Variants in DNAJC8 observed in about 807,000 individuals in gnomAD.
The protein encoded by DNAJC8 is DnaJ heat shock protein family (Hsp40) member C8, also known as dnaJ homolog subfamily C member 8.
Under a neutral mutation model 43.2 loss-of-function variants are expected in DNAJC8, and 24 were observed. The observed-to-expected ratio is 0.56, with a 90% CI of 0.40 to 0.78. The LOEUF (loss-of-function observed/expected upper bound fraction) is 0.78. Ranked by LOEUF, DNAJC8 falls within the 30% of genes least tolerant of loss-of-function variation. DNAJC8 has a pLI of 0.00. For synonymous variants in DNAJC8, 83 were observed against 98.0 expected (o/e 0.85, Z 0.90); for missense variants, 207 against 299.4 (o/e 0.69, Z 2.28).
At chr1:28,223,295 G>A (rs1291087976) in intron 2 of DNAJC8, among the ~76,000 whole-genome samples, 1 of 152,188 alleles carries the variant, frequency 6.6e-6, no homozygotes, top group East Asian at 1.9e-4. Context: ...TAGGGAAGAT[G>A]CCTACTCAGC....
chr1:28,208,514 T>C (rs1263390752), intron 5 of DNAJC8, 101 bp from the exon 6 acceptor site: 4 of 614,542 alleles, frequency 6.5e-6, no homozygotes, highest in Admixed American at 4.0e-5. Flanking sequence ...TAGGCACGGG[T>C]ATAGCAAAAA....
At chr1:28,207,822 G>A (rs1646780443) in intron 6 of DNAJC8, among the ~76,000 whole-genome samples, 2 of 151,768 alleles carry the variant, frequency 1.3e-5, no homozygotes, top group African/African-American at 4.8e-5. Flanking sequence ...TTGGGAGGCC[G>A]AGGCGGGTGG....
chr1:28,232,867 A>T, intron 1 of DNAJC8, 54 bp downstream of exon 1: 1 of 1,590,596 alleles, frequency 6.3e-7, no homozygotes, highest in Non-Finnish European at 8.6e-7. Flanking sequence ...TCCACTGGGA[A>T]AGCAGATCCG....
Position 28,228,402 on chromosome 1 carries a change from T to C in DNAJC8, c.180+520A>G, listed in dbSNP as rs188802708. ...AAACTTATTAGAGCTAGCCACCCCT[T>C]CACATCTGAAATTAAATCCTTATAT... is the stretch of plus-strand genomic sequence containing the variant. On this transcript the variant is annotated intron_variant, in intron 2 of 8. Transcript: ENST00000263697. 1.8e-3 allele frequency among the ~76,000 whole-genome samples: 273 copies of C among 151,398 alleles called. 2 individuals are homozygous for C. The highest frequency in any genetic ancestry group is 6.2e-3 in the African/African-American group (254 of 41,246).
chr1:28,219,737 G>A (rs1314081669), intron 2 of DNAJC8, among the ~76,000 whole-genome samples: 1 of 141,616 alleles, frequency 7.1e-6, no homozygotes, highest in Non-Finnish European at 1.5e-5. Flanking sequence ...AAGTGCAGTG[G>A]AGCAATCTCA....
At chr1:28,223,499 A>G (rs1345192406) in intron 2 of DNAJC8, among the ~76,000 whole-genome samples, 1 of 152,108 alleles carries the variant, frequency 6.6e-6, no homozygotes, top group Non-Finnish European at 1.5e-5. Flanking sequence ...CGGGGTGAGG[A>G]GAGCATTCAG....
At chr1:28,223,370 G>A (rs1053619721) in intron 2 of DNAJC8, among the ~76,000 whole-genome samples, 4 of 152,088 alleles carry the variant, frequency 2.6e-5, no homozygotes, top group Admixed American at 2.0e-4. Flanking sequence ...CAGGAAGAGA[G>A]CAGGCTCAGA....
chr1:28,209,444 T>C (rs1333903974), intron 5 of DNAJC8, among the ~76,000 whole-genome samples: 1 of 152,212 alleles, frequency 6.6e-6, no homozygotes, highest in Non-Finnish European at 1.5e-5. Flanking sequence ...GACTTATGTA[T>C]GCCCTCAAGA....
chr1:28,204,367 G>A (rs932020683), intron 7 of DNAJC8, among the ~76,000 whole-genome samples: 3 of 152,074 alleles, frequency 2.0e-5, no homozygotes, highest in Non-Finnish European at 4.4e-5. Flanking sequence ...GATCATGTGA[G>A]GTCAGGAGTT....
intron 2 of DNAJC8, among the ~76,000 whole-genome samples, chr1:28,226,256 G>C (rs1321501111): frequency 6.6e-6 from 1 of 150,856 alleles, no homozygotes; most frequent in Non-Finnish European, 1.5e-5. Context: ...CTGTAATCAC[G>C]GCACTTTGAG....
In DNAJC8 at chr1:28,210,282, T is replaced by C. The variant is rs1646801999; in HGVS notation, c.305-216A>G. The stretch of plus-strand genomic sequence containing the variant: ...AATATATACTCAAGGCTAAATACAC[T>C]ACATCTGGATTTAATTCAGTGATAA... On this transcript the variant is annotated intron_variant, in intron 4 of 8. Transcript: ENST00000263697. 3 of 571,634 alleles carry C rather than the reference T, an allele frequency of 5.2e-6. No individual in the cohort carries two copies. The East Asian group carries it at 8.6e-5, about 16-fold the overall frequency. The allele number at this position is 571,634 out of a possible 1,614,324, so 35.4% of individuals were successfully genotyped here. A position where few individuals can be genotyped will look rare whatever the true frequency, so the allele number is the denominator to read the frequency against.
At chr1:28,232,420 T>C (rs1042999198) in intron 1 of DNAJC8, among the ~76,000 whole-genome samples, 1 of 152,202 alleles carries the variant, frequency 6.6e-6, no homozygotes, top group East Asian at 1.9e-4. Context: ...TGTAACCTAC[T>C]GTAAGGCCCC....
rs555088044 is a variant in DNAJC8 at position 28,210,750 on chromosome 1, T to C, written c.238-113A>G. 1.2e-5 allele frequency: 8 copies of C among 684,376 alleles called. 1 individual carries two copies. Among genetic ancestry groups the C allele is most frequent in the Middle Eastern group, 2.6e-4 (1 of 3,846 alleles). 42.4% of individuals were successfully genotyped at this position (684,376 alleles called of 1,614,324 possible). ...AAGGTCCTACGGCAAAAAGAGACTC[T>C]TAGCAAAAGCATTTAAAAAATTAAC... On this transcript the variant is annotated intron_variant, in intron 3 of 8. Coordinates refer to ENST00000263697, the MANE Select transcript of DNAJC8 (RefSeq NM_014280.3).
intron 2 of DNAJC8, among the ~76,000 whole-genome samples, chr1:28,221,344 A>T (rs1050700763): frequency 6.6e-6 from 1 of 152,040 alleles, no homozygotes; most frequent in Non-Finnish European, 1.5e-5. Flanking sequence ...TGTCTCAAAA[A>T]GGGAAAAAGA....
At chr1:28,214,880 T>C in intron 3 of DNAJC8, 60 bp downstream of exon 3, 1 of 1,467,742 alleles carries the variant, frequency 6.8e-7, no homozygotes, top group African/African-American at 1.4e-5. Flanking sequence ...TAGCAAGTGA[T>C]AAAAGAATCA....
chr1:28,211,702 T>C (rs932098551), intron 3 of DNAJC8, among the ~76,000 whole-genome samples: 20 of 152,284 alleles, frequency 1.3e-4, no homozygotes, highest in African/African-American at 4.8e-4. Flanking sequence ...GGGTTTCAGA[T>C]GATCGTAGGG....
chr1:28,221,411 T>C (rs1325069720), intron 2 of DNAJC8, among the ~76,000 whole-genome samples: 1 of 152,086 alleles, frequency 6.6e-6, no homozygotes, highest in Non-Finnish European at 1.5e-5. Context: ...AAACACAATC[T>C]TGCAGCTTTC....
chr1:28,218,276 G>A (rs555484834), intron 2 of DNAJC8, among the ~76,000 whole-genome samples: 21 of 151,878 alleles, frequency 1.4e-4, no homozygotes, highest in Middle Eastern at 3.4e-3. Context: ...TGTATTTTTA[G>A]TAGAGACGGG....
Position 28,200,795 on chromosome 1 carries a change from G to A in DNAJC8, c.*453C>T. 1 of 392,556 alleles carries A rather than the reference G, an allele frequency of 2.5e-6. No individual in the cohort carries two copies. 24.3% of individuals were successfully genotyped at this position (392,556 alleles called of 1,614,324 possible). On this transcript the variant is annotated 3_prime_UTR_variant, in exon 9 of 9. Transcript: ENST00000263697. ...CCTGTCTTATCTGGGCCTTCGAAGG[G>A]AGCACACCCAGAAGCGAGCAACTGA...
Sources: gnomAD v4.1 joint callset for allele counts (sites outside exome capture counted in the v4.1 genomes callset) on GRCh38, gnomAD v4.1.1 for gene constraint, MANE v1.5 for transcripts, NCBI Gene and HGNC (gene_info 2026-07-23, HGNC 2026-07-21) for gene names.